The following FNTB variants were observed in gnomAD, a reference collection of about 807,000 sequenced individuals.
FNTB encodes the protein protein farnesyltransferase subunit beta.
In FNTB, 27 loss-of-function variants were observed where a neutral mutation model predicts 59.4. The ratio of observed to expected loss-of-function variants is 0.45; its 90% CI spans 0.34 to 0.63. The LOEUF is 0.63. Among genes scored for constraint, FNTB ranks in the 20% least tolerant of loss-of-function variants. FNTB has a pLI of 0.02. For synonymous variants in FNTB, 230 were observed against 220.7 expected (o/e 1.04, Z -0.37); for missense variants, 449 against 559.6 (o/e 0.80, Z 1.99).
Position 65,032,798 on chromosome 14 carries a change from A to G in FNTB, c.692+102A>G. 1 of 1,145,778 alleles carries G rather than the reference A, an allele frequency of 8.7e-7. No homozygotes were observed. The highest frequency in any genetic ancestry group is 1.2e-6 in the Non-Finnish European group (1 of 826,442). 71.0% of individuals were successfully genotyped at this position (1,145,778 alleles called of 1,614,324 possible). A position where few individuals can be genotyped will look rare whatever the true frequency, so the allele number is the denominator to read the frequency against. ...TGCAGAGGGACTTGGAAGGAAATAC[A>G]AAAATCACAGGAGATCCATTAGGGT... On this transcript the variant is annotated intron_variant, in intron 7 of 11. Coordinates refer to ENST00000246166, the MANE Select transcript of FNTB (RefSeq NM_002028.4). The surrounding 1 kb of genome is among the most constrained non-coding windows in gnomAD (Gnocchi z 5.0).
intron 1 of FNTB, among the ~76,000 whole-genome samples, chr14:64,999,273 C>A (rs1231646492): frequency 6.6e-6 from 1 of 151,976 alleles, no homozygotes; most frequent in Non-Finnish European, 1.5e-5. Flanking sequence ...CCCATCTCTA[C>A]TAAAAATACA....
Position 65,044,604 on chromosome 14 carries a change from G to A in FNTB, c.955+161G>A. ...ACCTCATGCCGTGGGGCATGCGAAT[G>A]CAGAGTAAGATTTAGTTTCATTGGT... On this transcript the variant is annotated intron_variant, in intron 9 of 11. Transcript: ENST00000246166. This position sits in a 1 kb window ranked among gnomAD's most constrained non-coding sequence, Gnocchi z 5.5. The A allele has an allele frequency of 9.5e-7, 1 of 1,054,586 alleles. No individual in the cohort carries two copies. The highest frequency in any genetic ancestry group is 1.3e-6 in the Non-Finnish European group (1 of 769,794). The allele number at this position is 1,054,586 out of a possible 1,614,324, so 65.3% of individuals were successfully genotyped here.
chr14:65,012,761 A>G lies in FNTB; in HGVS notation c.282+372A>G, dbSNP rs550025057. On this transcript the variant is annotated intron_variant, in intron 3 of 11. Transcript: ENST00000246166. The surrounding 1 kb of genome is among the most constrained non-coding windows in gnomAD (Gnocchi z 5.0). ...ATTTCTCGCTCATTTATTGAGGACT[A>G]TTGTCCAAACCTGTTAAGTCTGTAT... Among the ~76,000 whole-genome samples the G allele has an allele frequency of 9.8e-5, 15 of 152,314 alleles. No homozygotes were observed. The highest frequency in any genetic ancestry group is 4.1e-4 in the South Asian group (2 of 4,822).
intron 11 of FNTB, among the ~76,000 whole-genome samples, chr14:65,057,006 A>G (rs1323277977): frequency 6.6e-6 from 1 of 152,190 alleles, no homozygotes. Flanking sequence ...TCCTGGCTTT[A>G]TAACAGCCTA....
intron 4 of FNTB, among the ~76,000 whole-genome samples, chr14:65,025,630 C>T (rs996803115): frequency 6.6e-6 from 1 of 151,996 alleles, no homozygotes; most frequent in Non-Finnish European, 1.5e-5. Flanking sequence ...GCCTGGGCAA[C>T]ATGGCGAAAC....
rs753133724 is a variant in FNTB, at chr14:65,054,471, G to C, written c.1068-104G>C. ...CCTCCTCTAGCCACATGGAGGATGG[G>C]GGGGGACGTGTGATTGCACCAGTGG... On this transcript the variant is annotated intron_variant, in intron 10 of 11. Coordinates refer to ENST00000246166, the MANE Select transcript of FNTB (RefSeq NM_002028.4). This position sits in a 1 kb window ranked among gnomAD's most constrained non-coding sequence, Gnocchi z 4.4. The C allele has an allele frequency of 7.6e-5, 89 of 1,163,830 alleles. No homozygotes were observed. The highest frequency in any genetic ancestry group is 1.0e-4 in the Non-Finnish European group (82 of 815,134). The allele number at this position is 1,163,830 out of a possible 1,614,324, so 72.1% of individuals were successfully genotyped here.
In FNTB at chr14:65,044,362, T is replaced by C. The variant is rs754152276; in HGVS notation, c.874T>C (p.Cys292Arg). The change falls in exon 9 of 12, where the codon TGC becomes CGC. Residue 292 changes from cysteine (C) to arginine (R), a missense_variant. Physicochemically the swap from Cys to Arg is radical, Grantham distance 180. This residue lies in a region of FNTB where 337 missense variants were observed against 479.1 expected (regional missense o/e 0.70). Transcript: ENST00000246166. The surrounding 1 kb of genome is among the most constrained non-coding windows in gnomAD (Gnocchi z 5.5). ...ATTTGAAGGAGGATTTCAGGGCCGC[T>C]GCAACAAGCTGGTGGATGGCTGCTA... ...MRFEGGFQGR[C>R]NKLVDGCYSF... 3.1e-6 allele frequency: 5 copies of C among 1,613,422 alleles called. No individual in the cohort carries two copies. The East Asian group carries it at 6.7e-5, about 22-fold the overall frequency.
intron 2 of FNTB, chr14:65,006,024 C>G: frequency 3.0e-5 from 31 of 1,029,474 alleles, no homozygotes; most frequent in Non-Finnish European, 3.9e-5. Flanking sequence ...GAAGTTCAGC[C>G]TTTCCTCCTT....
At chr14:65,020,733 CTTTT>C (rs71123901) in intron 4 of FNTB, among the ~76,000 whole-genome samples, 1 of 123,340 alleles carries the variant, frequency 8.1e-6, no homozygotes, top group Non-Finnish European at 1.7e-5. Flanking sequence ...CGCGCCCGGC[CTTTT>C]TTTTTTTTTT....
rs2061574656 is a variant in FNTB, at chr14:65,005,576, G to A, written c.209+1263G>A. Among the ~76,000 whole-genome samples the A allele has an allele frequency of 3.0e-5, 4 of 135,296 alleles. No homozygotes were observed. The South Asian group carries it at 9.3e-4, about 31-fold the overall frequency. The allele number at this position is 135,296 out of a possible 152,430, so 88.8% of individuals were successfully genotyped here. A position where few individuals can be genotyped will look rare whatever the true frequency, so the allele number is the denominator to read the frequency against. ...TCTTTCTCTCTCCCTCTCTCTTTCT[G>A]TCTCTGTCTTTCTCACTTTCTTTCC... On this transcript the variant is annotated intron_variant, in intron 2 of 11. Coordinates refer to ENST00000246166, the MANE Select transcript of FNTB (RefSeq NM_002028.4).
chr14:65,002,073 C>G (rs2061529219), intron 1 of FNTB, among the ~76,000 whole-genome samples: 1 of 152,190 alleles, frequency 6.6e-6, no homozygotes, highest in African/African-American at 2.4e-5. Context: ...ACTAGGAGCT[C>G]TACCTCAATG....
chr14:65,033,955 A>G (rs545036637), intron 7 of FNTB, among the ~76,000 whole-genome samples: 4 of 152,248 alleles, frequency 2.6e-5, no homozygotes, highest in African/African-American at 9.6e-5. Context: ...TATTTTTATC[A>G]AAGTAGTATG....
Position 65,004,745 on chromosome 14 carries a change from C to T in FNTB, c.209+432C>T, listed in dbSNP as rs181688493. On this transcript the variant is annotated intron_variant, in intron 2 of 11. Transcript: ENST00000246166. ...TGGCACAATCTCGGCTCTCTGGAAC[C>T]TTCGCCTCATAGGTTCAAGTGATTC... 8.9e-4 allele frequency among the ~76,000 whole-genome samples: 136 copies of T among 152,250 alleles called. 7 individuals are homozygous for T. In the South Asian group the frequency reaches 0.024, roughly 27 times the overall value.
chr14:64,993,197 A>C (rs768249043), intron 1 of FNTB, among the ~76,000 whole-genome samples: 4 of 152,164 alleles, frequency 2.6e-5, no homozygotes, highest in Non-Finnish European at 5.9e-5. Flanking sequence ...TGGAAGGCCA[A>C]GTGGGTGGAT....
chr14:65,019,097 C>T (rs12437225), intron 4 of FNTB, among the ~76,000 whole-genome samples: 11,275 of 152,122 alleles, frequency 0.074, 646 homozygotes, highest in East Asian at 0.29. Flanking sequence ...CGCTTGAACC[C>T]GGGAGGCGGA....
rs1322087365 is a variant in FNTB at position 65,023,010 on chromosome 14, T to C, written c.375-4443T>C. On this transcript the variant is annotated intron_variant, in intron 4 of 11. Transcript: ENST00000246166. This position sits in a 1 kb window ranked among gnomAD's most constrained non-coding sequence, Gnocchi z 4.1. ...TTTTGTATTATATGCTTATTTACTGTACATGCCTTTGAATCCTTCATCCAA... is the reference window on the plus strand; with the variant it reads ...TTTTGTATTATATGCTTATTTACTGCACATGCCTTTGAATCCTTCATCCAA... Among the ~76,000 whole-genome samples the C allele has an allele frequency of 2.0e-5, 3 of 152,232 alleles. No individual in the cohort carries two copies. The highest frequency in any genetic ancestry group is 7.2e-5 in the African/African-American group (3 of 41,462).
chr14:65,060,778 CAGG>C (rs966738153), intron 11 of FNTB, among the ~76,000 whole-genome samples: 14 of 142,784 alleles, frequency 9.8e-5, no homozygotes, highest in African/African-American at 3.4e-4. Flanking sequence ...GAGGCTGAGG[CAGG>C]AGAATTGCTT....
At position 65,011,222 on chromosome 14, in the gene FNTB, G is replaced by A. The variant is rs1434499750; in HGVS notation, c.210-1095G>A. 6.6e-6 allele frequency among the ~76,000 whole-genome samples: 1 copy of A among 152,154 alleles called. No individual in the cohort carries two copies. Among genetic ancestry groups the A allele is most frequent in the African/African-American group, 2.4e-5 (1 of 41,446 alleles). On this transcript the variant is annotated intron_variant, in intron 2 of 11. Coordinates refer to ENST00000246166, the MANE Select transcript of FNTB (RefSeq NM_002028.4). The surrounding 1 kb of genome is among the most constrained non-coding windows in gnomAD (Gnocchi z 4.0). ...GGCAGGGGATTACCTGAGGTCAGGAGTTCAAGACCAGCCTGGGCAACATGG... is the reference window on the plus strand; with the variant it reads ...GGCAGGGGATTACCTGAGGTCAGGAATTCAAGACCAGCCTGGGCAACATGG...
At chr14:65,051,914 C>A (rs2062622805) in intron 9 of FNTB, among the ~76,000 whole-genome samples, 1 of 151,788 alleles carries the variant, frequency 6.6e-6, no homozygotes. Context: ...CCTGCCTCAG[C>A]CTCCTGAGTA....
Sources: allele counts gnomAD v4.1 joint callset (sites outside exome capture counted in the v4.1 genomes callset), GRCh38; gene constraint gnomAD v4.1.1; regional missense constraint gnomAD v4.1.1; non-coding constraint Gnocchi (gnomAD v3.1); transcripts MANE v1.5; gene names NCBI Gene and HGNC (gene_info 2026-07-23, HGNC 2026-07-21).